Variants in KCNG2 observed in about 807,000 individuals in gnomAD.
KCNG2 encodes the protein voltage-gated potassium channel regulatory subunit KCNG2.
In KCNG2, 7 loss-of-function variants were observed where a neutral mutation model predicts 12.3. The observed-to-expected ratio is 0.57, with a 90% CI of 0.32 to 1.07. The LOEUF (loss-of-function observed/expected upper bound fraction) is 1.07. Among genes scored for constraint, KCNG2 ranks in the 50% least tolerant of loss-of-function variants. The pLI is 0.04. For missense variants in KCNG2, 703 were observed against 726.0 expected, an observed-to-expected ratio of 0.97 and a Z score of 0.36; for synonymous variants, 414 against 351.4, an observed-to-expected ratio of 1.18 and a Z score of -1.99.
intron 1 of KCNG2, among the ~76,000 whole-genome samples, chr18:79,830,724 A>G (rs34828305): frequency 0.04 from 3,453 of 86,532 alleles, 115 homozygotes; most frequent in African/African-American, 0.077. Flanking sequence ...GGTTCCCTGC[A>G]GACAGAGCCT....
chr18:79,866,839 GA>G (rs2123079714), intron 3 of KCNG2, among the ~76,000 whole-genome samples: 1 of 48,504 alleles, frequency 2.1e-5, no homozygotes. Context: ...TGTGTGCTGA[GA>G]GTGTGGGTGC....
intron 1 of KCNG2, among the ~76,000 whole-genome samples, chr18:79,846,950 C>A (rs528609913): frequency 2.6e-5 from 4 of 150,946 alleles, no homozygotes; most frequent in Non-Finnish European, 4.4e-5. Context: ...TCATTTCCTG[C>A]AAACGAACTC....
chr18:79,881,175 G>A (rs759208677), intron 3 of KCNG2, among the ~76,000 whole-genome samples: 3 of 152,180 alleles, frequency 2.0e-5, no homozygotes, highest in Non-Finnish European at 4.4e-5. Flanking sequence ...GTAGAAACAC[G>A]CTGTCCAATT....
At chr18:79,844,778 G>C (rs1978568038) in intron 1 of KCNG2, among the ~76,000 whole-genome samples, 2 of 152,198 alleles carry the variant, frequency 1.3e-5, no homozygotes, top group East Asian at 1.9e-4. Flanking sequence ...CTGAGAAACT[G>C]TTTCTCTCAT....
intron 1 of KCNG2, among the ~76,000 whole-genome samples, chr18:79,819,403 G>A (rs1212959460): frequency 1.3e-5 from 2 of 152,224 alleles, no homozygotes; most frequent in Non-Finnish European, 2.9e-5. Context: ...TCTCTAGGGA[G>A]AGCTGTTGCT....
chr18:79,813,110 G>T (rs586275), intron 1 of KCNG2, among the ~76,000 whole-genome samples: 1 of 152,102 alleles, frequency 6.6e-6, no homozygotes, highest in African/African-American at 2.4e-5. Flanking sequence ...AGCCGAGATC[G>T]CGCCATTGGA....
At chr18:79,894,119 G>A (rs1980854102) in intron 3 of KCNG2, among the ~76,000 whole-genome samples, 1 of 151,882 alleles carries the variant, frequency 6.6e-6, no homozygotes, top group Non-Finnish European at 1.5e-5. Flanking sequence ...TGATATAGCT[G>A]GGTCTGTGTC....
chr18:79,883,919 G>A (rs1008065438), intron 3 of KCNG2, among the ~76,000 whole-genome samples: 6 of 152,198 alleles, frequency 3.9e-5, no homozygotes, highest in African/African-American at 7.2e-5. Context: ...CGTCCCCACC[G>A]GCACGTCCAC....
chr18:79,820,973 G>A, intron 1 of KCNG2, among the ~76,000 whole-genome samples: 1 of 152,172 alleles, frequency 6.6e-6, no homozygotes, highest in African/African-American at 2.4e-5. Context: ...AGATTTGGTT[G>A]TTTGTCTTTA....
At chr18:79,864,976 C>T (rs1253409789) in intron 3 of KCNG2, among the ~76,000 whole-genome samples, 2 of 122,984 alleles carry the variant, frequency 1.6e-5, no homozygotes, top group Non-Finnish European at 3.3e-5. Flanking sequence ...AGTCTGGGTG[C>T]TGAGAGGTCT....
chr18:79,895,596 G>A (rs564971370), intron 3 of KCNG2, among the ~76,000 whole-genome samples: 3 of 147,804 alleles, frequency 2.0e-5, no homozygotes, highest in Admixed American at 6.8e-5. Flanking sequence ...CTTTTGATCG[G>A]GTTCTTCATT....
rs530420493 is a variant in KCNG2, at chr18:79,885,554, G to A, written c.625-13486G>A. On this transcript the variant is annotated intron_variant, in intron 3 of 3. Coordinates refer to ENST00000316249, the MANE Select transcript of KCNG2 (RefSeq NM_012283.2). Reference sequence around the variant, plus strand: ...GGCGCTCAGAACACACACTCAGCCCGGGCGCTCCTGCCCCACCGGTCCCTA... The same window carrying A: ...GGCGCTCAGAACACACACTCAGCCCAGGCGCTCCTGCCCCACCGGTCCCTA... 4.2e-4 allele frequency among the ~76,000 whole-genome samples: 64 copies of A among 152,280 alleles called. 1 individual carries two copies. The South Asian group carries it at 0.012, about 29-fold the overall frequency.
chr18:79,802,794 T>C (rs2087421448), intron 1 of KCNG2, among the ~76,000 whole-genome samples: 1 of 152,200 alleles, frequency 6.6e-6, no homozygotes, highest in African/African-American at 2.4e-5. Context: ...GAAAAAATTC[T>C]ATGACAAGTT....
At chr18:79,802,900 T>C (rs1486458749) in intron 1 of KCNG2, among the ~76,000 whole-genome samples, 2 of 152,204 alleles carry the variant, frequency 1.3e-5, no homozygotes, top group South Asian at 2.1e-4. Context: ...AACGCTTGGC[T>C]GGGTGCGGTG....
At position 79,854,802 on chromosome 18, in the gene KCNG2, C is replaced by T. The variant is rs995291596; in HGVS notation, c.-114-1577C>T. Among the ~76,000 whole-genome samples, 6 of 152,272 alleles carry T rather than the reference C, an allele frequency of 3.9e-5. No homozygotes were observed. In the East Asian group the frequency reaches 7.7e-4, roughly 20 times the overall value. On this transcript the variant is annotated intron_variant, in intron 1 of 3. Transcript: ENST00000316249. ...TACAGGGATTACAGGTGTGAGCCAC[C>T]GTGCCTGGCCTCATTGGCTTATTCT... is the stretch of plus-strand genomic sequence containing the variant.
In KCNG2 at chr18:79,859,643, T is replaced by C. The variant is rs143789774; in HGVS notation, c.-41+3191T>C. 7.2e-4 allele frequency among the ~76,000 whole-genome samples: 109 copies of C among 152,344 alleles called. 1 individual carries two copies. In the East Asian group the frequency reaches 0.017, roughly 24 times the overall value. ...CGACACTGGGTATCAAATTCCAATA[T>C]AAGATTTGGAGGCCAATATCCAAAC... is the stretch of plus-strand genomic sequence containing the variant. On this transcript the variant is annotated intron_variant, in intron 2 of 3. Transcript: ENST00000316249.
chr18:79,810,474 A>G (rs1316238448), intron 1 of KCNG2, among the ~76,000 whole-genome samples: 1 of 152,200 alleles, frequency 6.6e-6, no homozygotes, highest in Non-Finnish European at 1.5e-5. Context: ...TAGAAATCAA[A>G]AATTAAAAAA....
intron 3 of KCNG2, among the ~76,000 whole-genome samples, chr18:79,896,431 G>A (rs536018919): frequency 3.3e-5 from 5 of 152,288 alleles, no homozygotes; most frequent in African/African-American, 4.8e-5. Flanking sequence ...CTTTTGGTGC[G>A]ATTGTTGTAA....
chr18:79,872,166 C>A (rs1979858827), intron 3 of KCNG2, among the ~76,000 whole-genome samples: 1 of 149,972 alleles, frequency 6.7e-6, no homozygotes, highest in South Asian at 2.1e-4. Flanking sequence ...TGCTCTGCTT[C>A]CTGCACAGAT....
Sources: gnomAD v4.1 joint callset for allele counts (sites outside exome capture counted in the v4.1 genomes callset) on GRCh38, gnomAD v4.1.1 for gene constraint, MANE v1.5 for transcripts, NCBI Gene and HGNC (gene_info 2026-07-23, HGNC 2026-07-21) for gene names.